The following BTLA variants were observed in gnomAD, a reference collection of about 807,000 sequenced individuals.
BTLA encodes the protein B- and T-lymphocyte attenuator.
In BTLA, 11 loss-of-function variants were observed where a neutral mutation model predicts 25.0. That is an observed-to-expected ratio of 0.44 (90% CI 0.28 to 0.73). BTLA has a LOEUF of 0.73. Among genes scored for constraint, BTLA ranks in the 30% least tolerant of loss-of-function variants. The pLI is 0.15. For synonymous variants in BTLA, 104 were observed against 119.8 expected, an observed-to-expected ratio of 0.87 and a Z score of 0.86; for missense variants, 282 against 332.8, an observed-to-expected ratio of 0.85 and a Z score of 1.19.
rs936447938 is a variant in BTLA at position 112,465,961 on chromosome 3, T to C, written c.*147A>G. 11 of 824,208 alleles carry C rather than the reference T, an allele frequency of 1.3e-5. No individual in the cohort carries two copies. The highest frequency in any genetic ancestry group is 2.9e-5 in the South Asian group (1 of 34,846). 51.1% of individuals were successfully genotyped at this position (824,208 alleles called of 1,614,324 possible). A position where few individuals can be genotyped will look rare whatever the true frequency, so the allele number is the denominator to read the frequency against. The stretch of plus-strand genomic sequence containing the variant: ...AGAGAAATTTTAATCATTTATCCTA[T>C]GGACCCTTAAGACCCAAGCACTAAC... On this transcript the variant is annotated 3_prime_UTR_variant, in exon 5 of 5. Coordinates refer to ENST00000334529, the MANE Select transcript of BTLA (RefSeq NM_181780.4).
At chr3:112,483,797 G>A (rs928575087) in intron 1 of BTLA, among the ~76,000 whole-genome samples, 2 of 151,878 alleles carry the variant, frequency 1.3e-5, no homozygotes, top group Admixed American at 1.3e-4. Flanking sequence ...GTGAAACACC[G>A]TCTTTACTAA....
intron 2 of BTLA, among the ~76,000 whole-genome samples, chr3:112,474,100 C>T (rs1388814226): frequency 6.6e-6 from 1 of 152,126 alleles, no homozygotes; most frequent in Non-Finnish European, 1.5e-5. Flanking sequence ...ATCCAAGCCC[C>T]AACTCTGTCA....
At chr3:112,479,023 C>T (rs1197932471) in intron 2 of BTLA, among the ~76,000 whole-genome samples, 1 of 151,354 alleles carries the variant, frequency 6.6e-6, no homozygotes, top group African/African-American at 2.4e-5. Context: ...TGCCTAAGCA[C>T]CACAAACATA....
At chr3:112,495,191 C>T (rs2082402628) in intron 1 of BTLA, among the ~76,000 whole-genome samples, 1 of 152,148 alleles carries the variant, frequency 6.6e-6, no homozygotes, top group South Asian at 2.1e-4. Context: ...ATTTTATAGT[C>T]ACAAAACCAT....
chr3:112,484,743 C>CT (rs2082337309), intron 1 of BTLA, among the ~76,000 whole-genome samples: 1 of 152,182 alleles, frequency 6.6e-6, no homozygotes, highest in Admixed American at 6.5e-5. Flanking sequence ...AAAGAGCTAG[C>CT]TTTTTGTGTT....
intron 1 of BTLA, among the ~76,000 whole-genome samples, chr3:112,496,794 C>T (rs150635847): frequency 2.0e-5 from 3 of 152,014 alleles, no homozygotes; most frequent in South Asian, 2.1e-4. Context: ...GTGGTGTGAT[C>T]TCAGCTCACT....
At position 112,499,374 on chromosome 3, in the gene BTLA, G is replaced by C; in HGVS notation, c.-16C>G. 1 of 1,611,168 alleles carries C rather than the reference G, an allele frequency of 6.2e-7. No individual in the cohort carries two copies. The highest frequency in any genetic ancestry group is 1.7e-5 in the Admixed American group (1 of 59,796). On this transcript the variant is annotated 5_prime_UTR_variant, in exon 1 of 5. Coordinates refer to ENST00000334529, the MANE Select transcript of BTLA (RefSeq NM_181780.4). ...ATGTCTTCATTTCCTGCACATATCA[G>C]TGATGGAAAAACTGCTCAAGTAGAA... is the stretch of plus-strand genomic sequence containing the variant.
At chr3:112,493,691 AGG>A (rs2082392881) in intron 1 of BTLA, among the ~76,000 whole-genome samples, 1 of 152,198 alleles carries the variant, frequency 6.6e-6, no homozygotes, top group Non-Finnish European at 1.5e-5. Context: ...TAGTACAGAC[AGG>A]GTTTCACTAT....
At chr3:112,499,567 G>A (rs2082431223), upstream of BTLA, 1 of 517,932 alleles carries the variant, frequency 1.9e-6, no homozygotes. Context: ...AAGACGATGT[G>A]GTACTCTGTT....
chr3:112,493,803 A>C (rs1201542584), intron 1 of BTLA, among the ~76,000 whole-genome samples: 2 of 151,914 alleles, frequency 1.3e-5, no homozygotes, highest in East Asian at 3.9e-4. Flanking sequence ...CACCCAGCCT[A>C]AACAGACACT....
intron 4 of BTLA, among the ~76,000 whole-genome samples, chr3:112,467,803 G>A (rs557671734): frequency 4.6e-5 from 7 of 152,222 alleles, no homozygotes; most frequent in African/African-American, 1.7e-4. Flanking sequence ...GTTGAGGTCA[G>A]TAGGTGGCAC....
chr3:112,477,279 G>A (rs1489185921), intron 2 of BTLA, among the ~76,000 whole-genome samples: 1 of 151,828 alleles, frequency 6.6e-6, no homozygotes, highest in Non-Finnish European at 1.5e-5. Flanking sequence ...TAAAGTGACT[G>A]CACCATTTTA....
At chr3:112,477,838 A>G (rs2082296968) in intron 2 of BTLA, among the ~76,000 whole-genome samples, 1 of 152,036 alleles carries the variant, frequency 6.6e-6, no homozygotes, top group African/African-American at 2.4e-5. Context: ...ATTCTTTTAC[A>G]TATGAATATC....
At chr3:112,471,433 A>C (rs1377951028) in intron 2 of BTLA, 78 bp from the exon 3 acceptor site, 2 of 1,450,560 alleles carry the variant, frequency 1.4e-6, no homozygotes, top group African/African-American at 1.4e-5. Flanking sequence ...CTGCATTGTC[A>C]GAACTTGAGT....
intron 1 of BTLA, among the ~76,000 whole-genome samples, chr3:112,486,533 A>G (rs1160119358): frequency 6.6e-6 from 1 of 152,214 alleles, no homozygotes; most frequent in Non-Finnish European, 1.5e-5. Context: ...ATATCCACCT[A>G]AACAGTATGA....
intron 2 of BTLA, among the ~76,000 whole-genome samples, chr3:112,477,668 C>T (rs1010000190): frequency 1.9e-4 from 29 of 152,006 alleles, no homozygotes; most frequent in Non-Finnish European, 4.0e-4. Flanking sequence ...GAAAACACTG[C>T]TAAATCCAAG....
At chr3:112,467,115 G>C (rs967466857) in intron 4 of BTLA, among the ~76,000 whole-genome samples, 1 of 151,804 alleles carries the variant, frequency 6.6e-6, no homozygotes, top group African/African-American at 2.4e-5. Context: ...CCGCCACCTC[G>C]CCCGGCTAAT....
chr3:112,494,289 A>G (rs1179806895), intron 1 of BTLA, among the ~76,000 whole-genome samples: 1 of 152,204 alleles, frequency 6.6e-6, no homozygotes, highest in African/African-American at 2.4e-5. Context: ...AGAATTAGGA[A>G]TGCTTTTACA....
Position 112,479,462 on chromosome 3 carries a change from A to G in BTLA, c.396T>C (p.Tyr132=), listed in dbSNP as rs751701026. 10 of 1,609,844 alleles carry G rather than the reference A, an allele frequency of 6.2e-6. No individual in the cohort carries two copies. In the East Asian group the frequency reaches 6.7e-5, roughly 11 times the overall value. Residue 132 remains tyrosine (Y), a synonymous_variant, in exon 2 of 5, where the codon TAT becomes TAC. Coordinates refer to ENST00000334529, the MANE Select transcript of BTLA (RefSeq NM_181780.4). ...TAGGTGTTGAGAACTCACCTGTCAC[A>G]TAAAGAGTTGTTGAGTGGCTTTCAA... is the stretch of plus-strand genomic sequence containing the variant. ...NLIESHSTTL[Y]VTDVKSASER...
Sources: allele counts gnomAD v4.1 joint callset (sites outside exome capture counted in the v4.1 genomes callset), GRCh38; gene constraint gnomAD v4.1.1; transcripts MANE v1.5; gene names NCBI Gene and HGNC (gene_info 2026-07-23, HGNC 2026-07-21).